Variants in MED12L observed in about 807,000 individuals in gnomAD.
The protein encoded by MED12L is mediator of RNA polymerase II transcription subunit 12-like protein.
In MED12L, 60 loss-of-function variants were observed where a neutral mutation model predicts 281.3. The ratio of observed to expected loss-of-function variants is 0.21; its 90% CI spans 0.17 to 0.26. The LOEUF (loss-of-function observed/expected upper bound fraction) is 0.26. Ranked by LOEUF, MED12L falls within the 10% of genes least tolerant of loss-of-function variation. The pLI, the probability that MED12L is intolerant of heterozygous loss-of-function variation, is 1.00. For missense variants in MED12L, 2,146 were observed against 2,680.9 expected, an observed-to-expected ratio of 0.80 and a Z score of 4.41; for synonymous variants, 974 against 987.2, an observed-to-expected ratio of 0.99 and a Z score of 0.25.
At chr3:151,430,177 A>G in intron 43 of MED12L, 122 bp from the exon 44 acceptor site, 1 of 1,394,692 alleles carries the variant, frequency 7.2e-7, no homozygotes, top group Non-Finnish European at 9.8e-7. Context: ...CAGTTGTCAT[A>G]GCCCTTTTTT....
chr3:151,196,384 A>G (rs930544243), intron 16 of MED12L, among the ~76,000 whole-genome samples: 3 of 152,216 alleles, frequency 2.0e-5, no homozygotes, highest in African/African-American at 7.2e-5. Flanking sequence ...CTTAATAAAA[A>G]GAGAAAATCT....
At chr3:151,375,753 C>G (rs1345131888) in intron 27 of MED12L, among the ~76,000 whole-genome samples, 2 of 152,042 alleles carry the variant, frequency 1.3e-5, no homozygotes, top group Non-Finnish European at 2.9e-5. Flanking sequence ...ACCTTACTTT[C>G]CAGTTAAAAA....
intron 16 of MED12L, among the ~76,000 whole-genome samples, chr3:151,319,858 A>C (rs1325802896): frequency 1.3e-5 from 2 of 152,166 alleles, no homozygotes; most frequent in African/African-American, 4.8e-5. Context: ...AATTCAAATG[A>C]GGATTCCCGT....
At chr3:151,349,508 T>G (rs1436047489) in intron 16 of MED12L, among the ~76,000 whole-genome samples, 1 of 152,174 alleles carries the variant, frequency 6.6e-6, no homozygotes, top group Non-Finnish European at 1.5e-5. Flanking sequence ...GGTCTTGAGC[T>G]CCTGTCCTCA....
intron 16 of MED12L, among the ~76,000 whole-genome samples, chr3:151,235,813 T>A (rs2149349954): frequency 6.6e-6 from 1 of 152,310 alleles, no homozygotes; most frequent in East Asian, 1.9e-4. Flanking sequence ...TGCCACATGC[T>A]GGTCTCTGTT....
chr3:151,408,575 C>T (rs1273115347), intron 39 of MED12L, among the ~76,000 whole-genome samples: 1 of 152,146 alleles, frequency 6.6e-6, no homozygotes, highest in Admixed American at 6.5e-5. Context: ...ATAAAACACA[C>T]ATACCATTGC....
At chr3:151,190,552 T>C (rs907008580) in intron 13 of MED12L, among the ~76,000 whole-genome samples, 165 bp from the exon 14 acceptor site, 1 of 152,202 alleles carries the variant, frequency 6.6e-6, no homozygotes, top group African/African-American at 2.4e-5. Flanking sequence ...AAAACCTGCC[T>C]GTCAGTTCTG....
chr3:151,127,183 G>T (rs1714664698), intron 4 of MED12L, among the ~76,000 whole-genome samples: 1 of 152,116 alleles, frequency 6.6e-6, no homozygotes, highest in African/African-American at 2.4e-5. Context: ...GTACCTTTGT[G>T]GTCTGGAAGA....
At chr3:151,220,368 A>G (rs894827628) in intron 16 of MED12L, among the ~76,000 whole-genome samples, 1 of 151,980 alleles carries the variant, frequency 6.6e-6, no homozygotes, top group Non-Finnish European at 1.5e-5. Context: ...AATTCTTTAA[A>G]CCAGTGAGTG....
At chr3:151,307,224 C>T (rs1746775003) in intron 16 of MED12L, among the ~76,000 whole-genome samples, 1 of 152,294 alleles carries the variant, frequency 6.6e-6, no homozygotes, top group East Asian at 1.9e-4. Context: ...TGTTTTTCAA[C>T]AATGCTAAGA....
intron 16 of MED12L, among the ~76,000 whole-genome samples, chr3:151,334,196 C>CTTTTTTTTTTCTTTTTTTTTTTTTTT (rs1750691637): frequency 8.5e-6 from 1 of 118,230 alleles, no homozygotes; most frequent in Non-Finnish European, 1.7e-5. Context: ...TTCTTTCTTT[C>CTTTTTTTTTTCTTTTTTTTTTTTTTT]TTTTTTTTTT....
chr3:151,348,886 C>T (rs1752898892), intron 16 of MED12L, among the ~76,000 whole-genome samples: 3 of 152,186 alleles, frequency 2.0e-5, no homozygotes, highest in Admixed American at 2.0e-4. Flanking sequence ...TTCTCCTAGT[C>T]TGAGGTTTTT....
At chr3:151,279,712 G>A (rs1742501976) in intron 16 of MED12L, among the ~76,000 whole-genome samples, 1 of 152,220 alleles carries the variant, frequency 6.6e-6, no homozygotes, top group South Asian at 2.1e-4. Flanking sequence ...GTGGATGTGA[G>A]GAGGAGCCGC....
At chr3:151,396,642 A>T (rs1372494785) in intron 39 of MED12L, among the ~76,000 whole-genome samples, 1 of 152,200 alleles carries the variant, frequency 6.6e-6, no homozygotes, top group East Asian at 1.9e-4. Context: ...AATAAATAAA[A>T]TAATAAATAA....
chr3:151,339,462 A>G (rs1322844137), intron 16 of MED12L, among the ~76,000 whole-genome samples: 3 of 148,796 alleles, frequency 2.0e-5, no homozygotes, highest in African/African-American at 4.9e-5. Context: ...TTTTTTCTTT[A>G]TATTTGGAAG....
intron 4 of MED12L, among the ~76,000 whole-genome samples, chr3:151,125,361 A>G (rs1028184957): frequency 6.6e-6 from 1 of 152,082 alleles, no homozygotes; most frequent in Non-Finnish European, 1.5e-5. Flanking sequence ...TAGTACGGAG[A>G]CAGTGAGGTA....
chr3:151,271,017 CAAAA>C (rs56917310), intron 16 of MED12L, among the ~76,000 whole-genome samples: 1 of 143,974 alleles, frequency 6.9e-6, no homozygotes, highest in Non-Finnish European at 1.5e-5. Context: ...ACCCAAAAAC[CAAAA>C]AAAAAAAAAT....
At chr3:151,150,650 A>G (rs1412047658) in intron 5 of MED12L, among the ~76,000 whole-genome samples, 1 of 152,236 alleles carries the variant, frequency 6.6e-6, no homozygotes. Context: ...TCTTCTTCCA[A>G]CAGAAGGCTG....
chr3:151,094,455 A>G (rs79623472), intron 2 of MED12L, among the ~76,000 whole-genome samples: 3,319 of 152,282 alleles, frequency 0.022, 117 homozygotes, highest in East Asian at 0.17. Flanking sequence ...AAGAAATCCA[A>G]TTGAAATGTA....
Sources: allele counts gnomAD v4.1 joint callset (sites outside exome capture counted in the v4.1 genomes callset), GRCh38; gene constraint gnomAD v4.1.1; transcripts MANE v1.5; gene names NCBI Gene and HGNC (gene_info 2026-07-23, HGNC 2026-07-21).